TIAM1: variants seen among roughly 807,000 people sequenced by gnomAD.
TIAM1 encodes rho guanine nucleotide exchange factor TIAM1.
In TIAM1, 65 loss-of-function variants were observed where a neutral mutation model predicts 163.5. That is an observed-to-expected ratio of 0.40 (90% CI 0.33 to 0.49). The LOEUF (loss-of-function observed/expected upper bound fraction) is 0.49. TIAM1 is among the 20% of genes least tolerant of loss of function. The pLI is 0.77. For synonymous variants in TIAM1, 833 were observed against 810.1 expected (o/e 1.03, Z -0.48); for missense variants, 1,789 against 2,044.7 (o/e 0.87, Z 2.41).
chr21:31,135,952 T>TTCC lies in TIAM1; in HGVS notation c.3861_3863dup (p.Glu1288dup). On this transcript the variant is annotated inframe_insertion, in exon 23 of 28. Transcript: ENST00000541036. ...ACACACCGAATGCTGCCAACTCTGG[T>TTCC]TCCTTTTTCCACTTGCCCAGCGAGG... 1 of 1,614,198 alleles carries TTCC rather than the reference T, an allele frequency of 6.2e-7. No individual in the cohort carries two copies. Among genetic ancestry groups the TTCC allele is most frequent in the Non-Finnish European group, 8.5e-7 (1 of 1,180,028 alleles).
chr21:31,140,087 A>G (rs2082778500), intron 22 of TIAM1, among the ~76,000 whole-genome samples: 1 of 152,252 alleles, frequency 6.6e-6, no homozygotes, highest in South Asian at 2.1e-4. Flanking sequence ...ATGAGAGGTC[A>G]TAATTTTACC....
chr21:31,223,999 G>C (rs1009211548), intron 7 of TIAM1, among the ~76,000 whole-genome samples: 1 of 152,230 alleles, frequency 6.6e-6, no homozygotes, highest in Non-Finnish European at 1.5e-5. Context: ...AATGGACCAA[G>C]TGCTTTTGGG....
intron 2 of TIAM1, among the ~76,000 whole-genome samples, chr21:31,327,581 G>A (rs994793961): frequency 7.0e-6 from 1 of 143,128 alleles, no homozygotes; most frequent in African/African-American, 2.7e-5. Flanking sequence ...GGCAGAGGTT[G>A]CAGTGAGCTG....
At chr21:31,434,666 T>C (rs1476924630) in intron 2 of TIAM1, among the ~76,000 whole-genome samples, 1 of 152,246 alleles carries the variant, frequency 6.6e-6, no homozygotes, top group Admixed American at 6.5e-5. Context: ...ACCACAACCG[T>C]GTTTTAATTG....
At chr21:31,494,628 C>T (rs555594946) in intron 1 of TIAM1, among the ~76,000 whole-genome samples, 7 of 152,194 alleles carry the variant, frequency 4.6e-5, no homozygotes, top group Non-Finnish European at 1.0e-4. Context: ...GTGGATCACA[C>T]GGTCAAGAGA....
chr21:31,140,251 C>T (rs559700708), intron 22 of TIAM1, among the ~76,000 whole-genome samples: 11 of 152,274 alleles, frequency 7.2e-5, no homozygotes, highest in African/African-American at 2.4e-4. Flanking sequence ...ACCCACACTG[C>T]TTTTAACCCT....
intron 16 of TIAM1, among the ~76,000 whole-genome samples, chr21:31,161,934 T>C (rs2083945343): frequency 6.6e-6 from 1 of 152,182 alleles, no homozygotes; most frequent in Non-Finnish European, 1.5e-5. Context: ...CTTTAAATCA[T>C]AAAAAGAGAC....
At chr21:31,437,806 G>A (rs1279887666) in intron 2 of TIAM1, among the ~76,000 whole-genome samples, 1 of 152,246 alleles carries the variant, frequency 6.6e-6, no homozygotes, top group Non-Finnish European at 1.5e-5. Context: ...CCCCAGCCAT[G>A]CTTCCAGTAT....
rs529880987 is a variant in TIAM1 at position 31,451,169 on chromosome 21, G to A, written c.-369+12814C>T. Among the ~76,000 whole-genome samples the A allele has an allele frequency of 1.7e-3, 257 of 152,000 alleles. 2 individuals are homozygous for A. Among genetic ancestry groups the A allele is most frequent in the African/African-American group, 5.7e-3 (235 of 41,440 alleles). On this transcript the variant is annotated intron_variant, in intron 2 of 28. Coordinates refer to the TIAM1 transcript ENST00000286827. ...ATCCCGTGGAGCAATATGCGGCTCC[G>A]AGGCCAGCATAAATCAGGCCCAGAG...
chr21:31,462,773 C>T (rs2045379761), intron 2 of TIAM1, among the ~76,000 whole-genome samples: 1 of 147,782 alleles, frequency 6.8e-6, no homozygotes, highest in Non-Finnish European at 1.5e-5. Flanking sequence ...GACCAAGTCT[C>T]ACTCTATTGA....
At chr21:31,393,464 C>A (rs947545936) in intron 2 of TIAM1, among the ~76,000 whole-genome samples, 3 of 152,110 alleles carry the variant, frequency 2.0e-5, no homozygotes, top group Non-Finnish European at 4.4e-5. Flanking sequence ...GCCTCTGCAC[C>A]CAGAACACGC....
intron 2 of TIAM1, among the ~76,000 whole-genome samples, chr21:31,393,990 A>G (rs1192936813): frequency 1.3e-5 from 2 of 152,184 alleles, no homozygotes; most frequent in African/African-American, 4.8e-5. Flanking sequence ...AATAAATTTC[A>G]TTTATATATT....
chr21:31,538,610 A>G (rs2048216865), intron 1 of TIAM1, among the ~76,000 whole-genome samples: 1 of 152,218 alleles, frequency 6.6e-6, no homozygotes, highest in Non-Finnish European at 1.5e-5. Flanking sequence ...CCAAGGAAGA[A>G]CACAGAATGC....
intron 20 of TIAM1, among the ~76,000 whole-genome samples, chr21:31,145,653 C>T (rs143910910): frequency 6.6e-6 from 1 of 152,110 alleles, no homozygotes; most frequent in Non-Finnish European, 1.5e-5. Flanking sequence ...GTGTCCTGCA[C>T]AAAAATAACT....
chr21:31,511,608 G>A (rs186346510), intron 1 of TIAM1, among the ~76,000 whole-genome samples: 10 of 152,276 alleles, frequency 6.6e-5, no homozygotes, highest in African/African-American at 2.2e-4. Flanking sequence ...CTATGCATGG[G>A]TTTGATAAGT....
chr21:31,147,103 C>A (rs1398935451), intron 19 of TIAM1, 100 bp from the exon 20 acceptor site: 3 of 927,798 alleles, frequency 3.2e-6, no homozygotes, highest in Admixed American at 1.9e-5. Context: ...GCCCACCCCA[C>A]AAATCAACAT....
At chr21:31,474,673 G>A (rs1477624027) in intron 1 of TIAM1, among the ~76,000 whole-genome samples, 1 of 151,704 alleles carries the variant, frequency 6.6e-6, no homozygotes, top group Non-Finnish European at 1.5e-5. Flanking sequence ...AGCCTCCCGA[G>A]TAGCTGGGAC....
At chr21:31,477,307 T>C (rs1045696456) in intron 1 of TIAM1, among the ~76,000 whole-genome samples, 2 of 152,182 alleles carry the variant, frequency 1.3e-5, no homozygotes, top group African/African-American at 2.4e-5. Context: ...ATTCTTTTTA[T>C]AAGAAAGAGT....
intron 9 of TIAM1, among the ~76,000 whole-genome samples, chr21:31,215,589 A>AAAAAAAAAAAAAG (rs1555893145): frequency 2.0e-5 from 3 of 147,558 alleles, no homozygotes; most frequent in African/African-American, 7.9e-5. Flanking sequence ...AAAAAAAAAA[A>AAAAAAAAAAAAAG]GAAGAGAAAT....
Sources: allele counts gnomAD v4.1 joint callset (sites outside exome capture counted in the v4.1 genomes callset), GRCh38; gene constraint gnomAD v4.1.1; transcripts MANE v1.5; gene names NCBI Gene and HGNC (gene_info 2026-07-23, HGNC 2026-07-21).